Variants in NLGN3 observed in about 807,000 individuals in gnomAD.
The protein encoded by NLGN3 is neuroligin 3, also known as neuroligin-3.
A neutral mutation model predicts 42.9 loss-of-function variants in NLGN3; 11 were observed. The ratio of observed to expected loss-of-function variants is 0.26; its 90% CI spans 0.16 to 0.42. NLGN3 has a LOEUF of 0.42. NLGN3 is among the 10% of genes least tolerant of loss of function. The pLI, the probability that NLGN3 is intolerant of heterozygous loss-of-function variation, is 1.00. For synonymous variants in NLGN3, 279 were observed against 312.7 expected (o/e 0.89, Z 1.14); for missense variants, 374 against 733.8 (o/e 0.51, Z 5.67).
chrX:71,170,360 A>C lies in NLGN3; in HGVS notation c.*263A>C. 9.9e-7 allele frequency: 1 copy of C among 1,012,552 alleles called. No homozygotes were observed. Among genetic ancestry groups the C allele is most frequent in the Non-Finnish European group, 1.3e-6 (1 of 794,102 alleles). The allele number at this position is 1,012,552 out of a possible 1,213,427, so 83.4% of individuals were successfully genotyped here. A position where few individuals can be genotyped will look rare whatever the true frequency, so the allele number is the denominator to read the frequency against. ...CAGATGAGTCCTCGGTAAACCGAGG[A>C]CCCATGAAACAGCAGCTGAAGCCAG... is the stretch of plus-strand genomic sequence containing the variant. On this transcript the variant is annotated 3_prime_UTR_variant, in exon 8 of 8. Coordinates refer to ENST00000358741, the MANE Select transcript of NLGN3 (RefSeq NM_181303.2).
intron 1 of NLGN3, among the ~76,000 whole-genome samples, chrX:71,146,687 CTG>C (rs1365670684): frequency 1.8e-5 from 2 of 111,490 alleles, no homozygotes; most frequent in African/African-American, 6.5e-5. Flanking sequence ...ATATATGTCT[CTG>C]TGAGTGAATA....
In NLGN3 at chrX:71,159,344, A is replaced by AAAAAG. The variant is rs747907745; in HGVS notation, c.727+3995_727+3999dup. ...TCAAAAAAAAAAGAAAAGGAAAAAG[A>AAAAAG]AAAAGAAAAGAAAAGAAAGAAAGAA... On this transcript the variant is annotated intron_variant, in intron 5 of 7. Coordinates refer to ENST00000358741, the MANE Select transcript of NLGN3 (RefSeq NM_181303.2). Among the ~76,000 whole-genome samples, 5 of 111,636 alleles carry AAAAAG rather than the reference A, an allele frequency of 4.5e-5. No homozygotes were observed. In the East Asian group the frequency reaches 8.4e-4, roughly 19 times the overall value.
downstream of NLGN3, among the ~76,000 whole-genome samples, chrX:71,173,003 G>C (rs1261026686): frequency 9.2e-6 from 1 of 108,197 alleles, no homozygotes; most frequent in Non-Finnish European, 1.9e-5. Context: ...ACAGAGATGG[G>C]GTTTCACCAT....
In NLGN3 at chrX:71,169,545, G is replaced by C; in HGVS notation, c.1995G>C (p.Lys665Asn). Residue 665 changes from lysine (K) to asparagine (N), a missense_variant, in exon 8 of 8, where the codon AAG becomes AAC. Coordinates refer to ENST00000358741, the MANE Select transcript of NLGN3 (RefSeq NM_181303.2). ...ACATCACCCGCAGGCCCAATGGCAA[G>C]ACCTGGAGCACCAAGCGGCCAGCCA... is the stretch of plus-strand genomic sequence containing the variant. ...SSHITRRPNG[K>N]TWSTKRPAIS... The C allele has an allele frequency of 3.3e-6, 4 of 1,211,932 alleles. No homozygotes were observed. Among genetic ancestry groups the C allele is most frequent in the Non-Finnish European group, 4.5e-6 (4 of 895,405 alleles).
rs200876977 is a variant in NLGN3, at chrX:71,168,878, AAGAAAG to A, written c.1704-368_1704-363del. Among the ~76,000 whole-genome samples the A allele has an allele frequency of 4.2e-3, 361 of 85,103 alleles. 9 individuals are homozygous for A. Among genetic ancestry groups the A allele is most frequent in the Admixed American group, 0.035 (267 of 7,583 alleles). 73.9% of individuals were successfully genotyped at this position (85,103 alleles called of 115,157 possible). The stretch of plus-strand genomic sequence containing the variant: ...GAAAGAAAGAAAGAAAGAGAAAGAA[AAGAAAG>A]AGAAAGAAAGAAAGAAAGAAAAAGA... On this transcript the variant is annotated intron_variant, in intron 7 of 7. Transcript: ENST00000358741.
chrX:71,173,490 G>A (rs1003646601), downstream of NLGN3, among the ~76,000 whole-genome samples: 20 of 112,471 alleles, frequency 1.8e-4, no homozygotes, highest in African/African-American at 5.2e-4. Context: ...CTCCTTGTTT[G>A]AAGTGAAGCT....
intron 6 of NLGN3, among the ~76,000 whole-genome samples, chrX:71,165,686 C>A (rs184560846): frequency 9.1e-6 from 1 of 110,421 alleles, no homozygotes; most frequent in Non-Finnish European, 1.9e-5. Context: ...CTACCATGCC[C>A]GGCTAATTTT....
chrX:71,160,447 C>T, intron 5 of NLGN3, among the ~76,000 whole-genome samples: 1 of 110,484 alleles, frequency 9.1e-6, no homozygotes, highest in East Asian at 2.9e-4. Flanking sequence ...GAACTCCTGA[C>T]CTCAGGTGAT....
At chrX:71,159,890 ATTTTTT>A (rs748275369) in intron 5 of NLGN3, among the ~76,000 whole-genome samples, 1 of 50,409 alleles carries the variant, frequency 2.0e-5, no homozygotes, top group East Asian at 5.5e-4. Context: ...ACGCCCAGCT[ATTTTTT>A]TTTTTTTTTT....
chrX:71,168,741 AAAAG>A (rs1374539243), intron 7 of NLGN3, among the ~76,000 whole-genome samples: 1 of 103,712 alleles, frequency 9.6e-6, no homozygotes, highest in African/African-American at 3.6e-5. Context: ...AAAAGAAAAA[AAAAG>A]AGAGAAAGAA....
intron 7 of NLGN3, among the ~76,000 whole-genome samples, chrX:71,168,882 AAGAG>A (rs201816776): frequency 1.1e-5 from 1 of 94,235 alleles, no homozygotes; most frequent in Non-Finnish European, 2.0e-5. Context: ...AAAGAAAAGA[AAGAG>A]AAAGAAAGAA....
rs774347206 is a variant in NLGN3 at position 71,169,494 on chromosome X, G to A, written c.1944G>A (p.Pro648=). 1.7e-5 allele frequency: 20 copies of A among 1,209,985 alleles called. No individual in the cohort carries two copies. The highest frequency in any genetic ancestry group is 2.3e-4 in the Middle Eastern group (1 of 4,354). The change falls in exon 8 of 8, where the codon CCG becomes CCA. Residue 648 remains proline, a synonymous_variant. Coordinates refer to ENST00000358741, the MANE Select transcript of NLGN3 (RefSeq NM_181303.2). ...FHYTSTTTKV[P]PPDTTHSSHI... is the part of the protein sequence containing the mutation. ...ATACGTCCACCACCACCAAAGTGCC[G>A]CCTCCGGATACCACCCACAGCTCCC...
At chrX:71,168,708 C>T (rs1216344714) in intron 7 of NLGN3, among the ~76,000 whole-genome samples, 1 of 82,174 alleles carries the variant, frequency 1.2e-5, no homozygotes, top group Non-Finnish European at 2.2e-5. Context: ...TGCGACAGAG[C>T]GAGACTCTGT....
chrX:71,152,039 G>T (rs1857177287), intron 3 of NLGN3, among the ~76,000 whole-genome samples: 1 of 111,753 alleles, frequency 8.9e-6, no homozygotes, highest in Non-Finnish European at 1.9e-5. Flanking sequence ...TAGGATGAGG[G>T]CAGTTCCTGT....
At chrX:71,168,883 AG>A (rs371379215) in intron 7 of NLGN3, among the ~76,000 whole-genome samples, 1,327 of 70,162 alleles carry the variant, frequency 0.019, 37 homozygotes, top group Admixed American at 0.079. Flanking sequence ...AAGAAAAGAA[AG>A]AGAAAGAAAG....
chrX:71,146,194 C>G (rs969630927), intron 1 of NLGN3, among the ~76,000 whole-genome samples: 9 of 97,383 alleles, frequency 9.2e-5, no homozygotes, highest in African/African-American at 1.9e-4. Flanking sequence ...CACACACACA[C>G]ACACACACAC....
At chrX:71,166,136 A>G (rs2092446219) in intron 6 of NLGN3, among the ~76,000 whole-genome samples, 1 of 109,732 alleles carries the variant, frequency 9.1e-6, no homozygotes, top group South Asian at 3.9e-4. Flanking sequence ...GAAAATCTGA[A>G]TTTGAAGTAT....
intron 1 of NLGN3, among the ~76,000 whole-genome samples, chrX:71,146,522 A>G (rs1023023673): frequency 2.7e-5 from 3 of 111,062 alleles, no homozygotes; most frequent in Non-Finnish European, 3.8e-5. Context: ...ATTATGCTGC[A>G]TGTGTCTGGA....
intron 1 of NLGN3, among the ~76,000 whole-genome samples, chrX:71,146,153 T>TCTCTCTCACA (rs1185227027): frequency 1.5e-4 from 4 of 26,360 alleles, no homozygotes; most frequent in African/African-American, 6.2e-4. Context: ...TCTCTCTCTC[T>TCTCTCTCACA]CACACACACA....
Sources: allele counts gnomAD v4.1 joint callset (sites outside exome capture counted in the v4.1 genomes callset), GRCh38; gene constraint gnomAD v4.1.1; transcripts MANE v1.5; gene names NCBI Gene and HGNC (gene_info 2026-07-23, HGNC 2026-07-21).